Variants in ENGASE observed in about 807,000 individuals in gnomAD.
ENGASE encodes the protein endo-beta-N-acetylglucosaminidase, also known as cytosolic endo-beta-N-acetylglucosaminidase.
Under a neutral mutation model 78.5 loss-of-function variants are expected in ENGASE, and 69 were observed. That is an observed-to-expected ratio of 0.88 (90% CI 0.72 to 1.07). The LOEUF (loss-of-function observed/expected upper bound fraction) is 1.07, where lower values mean the gene tolerates loss of function less well. Among genes scored for constraint, ENGASE ranks in the 50% least tolerant of loss-of-function variants. The pLI is 0.00. For synonymous variants in ENGASE, 408 were observed against 408.9 expected (o/e 1.00, Z 0.03); for missense variants, 943 against 988.4 (o/e 0.95, Z 0.62).
Position 79,085,605 on chromosome 17 carries a change from C to T in ENGASE, c.1701-15C>T, listed in dbSNP as rs1386597130. ...GGGCTGAGCCCGGCCAGTGATCAGCCCTTTCGCCCCGTAGCTGCTACGAGG... is the reference window on the plus strand; with the variant it reads ...GGGCTGAGCCCGGCCAGTGATCAGCTCTTTCGCCCCGTAGCTGCTACGAGG... On this transcript the variant is annotated splice_polypyrimidine_tract_variant and intron_variant, in intron 12 of 13. Coordinates refer to ENST00000579016, the MANE Select transcript of ENGASE (RefSeq NM_001042573.3). The T allele has an allele frequency of 2.5e-6, 4 of 1,612,878 alleles. No homozygotes were observed. The highest frequency in any genetic ancestry group is 3.3e-5 in the Admixed American group (2 of 59,976).
In ENGASE at chr17:79,084,634, G is replaced by A. The variant is rs2073239086; in HGVS notation, c.1539G>A (p.Leu513=). 3.1e-6 allele frequency: 5 copies of A among 1,613,344 alleles called. No individual in the cohort carries two copies. Among genetic ancestry groups the A allele is most frequent in the Non-Finnish European group, 4.2e-6 (5 of 1,179,802 alleles). ...GPTDVTVALE[L]TTGDAGSCHI... The stretch of plus-strand genomic sequence containing the variant: ...CGGACGTCACAGTTGCTTTGGAGCT[G>A]ACCACAGGGGATGCCGGCAGCTGCC... The change falls in exon 11 of 14, where the codon CTG becomes CTA. Residue 513 remains leucine, a synonymous_variant. Coordinates refer to ENST00000579016, the MANE Select transcript of ENGASE (RefSeq NM_001042573.3).
intron 3 of ENGASE, among the ~76,000 whole-genome samples, 190 bp from the exon 4 acceptor site, chr17:79,079,299 G>A (rs1057107520): frequency 6.6e-5 from 10 of 152,158 alleles, no homozygotes; most frequent in African/African-American, 9.7e-5. Flanking sequence ...AAGTAGCTGG[G>A]ACTACAGGTG....
rs541129787 is a variant in ENGASE at position 79,087,427 on chromosome 17, CTCTT to C, written c.*1083_*1086del. 362 of 219,412 alleles carry C rather than the reference CTCTT, an allele frequency of 1.6e-3. 1 individual carries two copies. Among genetic ancestry groups the C allele is most frequent in the African/African-American group, 7.8e-3 (344 of 44,218 alleles). 13.6% of individuals were successfully genotyped at this position (219,412 alleles called of 1,614,324 possible). On this transcript the variant is annotated 3_prime_UTR_variant, in exon 14 of 14. Coordinates refer to ENST00000579016, the MANE Select transcript of ENGASE (RefSeq NM_001042573.3). ...CAGGCGCCTTCCTCTGTCCTTCCTG[CTCTT>C]TCTTCTCTGCCCAGGCCGCTGCAGC... is the stretch of plus-strand genomic sequence containing the variant.
rs1396730644 is a variant in ENGASE at position 79,075,825 on chromosome 17, AT to A, written c.146+740del. ...ATGAAGGCTGGCTGCTGGGAAAGAT[AT>A]TTTTGGACAGGAGGAATGTGGAGAT... On this transcript the variant is annotated intron_variant, in intron 1 of 13. Transcript: ENST00000579016. 5.1e-6 allele frequency: 5 copies of A among 985,342 alleles called. No individual in the cohort carries two copies. In the East Asian group the frequency reaches 5.7e-4, roughly 112 times the overall value. 61.0% of individuals were successfully genotyped at this position (985,342 alleles called of 1,614,324 possible).
intron 3 of ENGASE, among the ~76,000 whole-genome samples, chr17:79,078,466 A>T (rs555464783): frequency 6.6e-6 from 1 of 152,338 alleles, no homozygotes; most frequent in South Asian, 2.1e-4. Context: ...GAGGGAGCAC[A>T]GCAGGCAGGG....
chr17:79,080,048 C>T (rs2073086576), intron 4 of ENGASE, among the ~76,000 whole-genome samples, 159 bp from the exon 5 acceptor site: 1 of 152,274 alleles, frequency 6.6e-6, no homozygotes, highest in African/African-American at 2.4e-5. Flanking sequence ...CTGGTCTGCA[C>T]TGGCAGAGTG....
At chr17:79,077,543 G>A in intron 2 of ENGASE, 46 bp downstream of exon 2, 2 of 1,545,126 alleles carry the variant, frequency 1.3e-6, no homozygotes, top group Non-Finnish European at 1.7e-6. Context: ...TCACACCTGG[G>A]GCTTTGGGGC....
rs919074773 is a variant in ENGASE, at chr17:79,083,245, G to T, written c.1142+122G>T. 3 of 830,250 alleles carry T rather than the reference G, an allele frequency of 3.6e-6. No individual in the cohort carries two copies. In the African/African-American group the frequency reaches 5.1e-5, roughly 14 times the overall value. The allele number at this position is 830,250 out of a possible 1,614,324, so 51.4% of individuals were successfully genotyped here. On this transcript the variant is annotated intron_variant, in intron 8 of 13. Coordinates refer to ENST00000579016, the MANE Select transcript of ENGASE (RefSeq NM_001042573.3). This position sits in a 1 kb window ranked among gnomAD's most constrained non-coding sequence, Gnocchi z 4.9. Reference sequence around the variant, plus strand: ...TCCTATGGGGGGGTGGTTAAGGGAGGATGACAGGGGAGGAAGCCAGCACCC... The same window carrying T: ...TCCTATGGGGGGGTGGTTAAGGGAGTATGACAGGGGAGGAAGCCAGCACCC...
chr17:79,075,647 G>T, intron 1 of ENGASE: 1 of 976,558 alleles, frequency 1.0e-6, no homozygotes, highest in Non-Finnish European at 1.2e-6. Flanking sequence ...CTTCCTTTGG[G>T]GGGCACTTGC....
intron 1 of ENGASE, 83 bp downstream of exon 1, chr17:79,075,173 C>T: frequency 2.5e-6 from 3 of 1,182,148 alleles, no homozygotes; most frequent in South Asian, 4.2e-5. Flanking sequence ...CCGGCACGGG[C>T]GCGCCGAGGG....
intron 10 of ENGASE, 198 bp from the exon 11 acceptor site, chr17:79,084,340 T>C: frequency 1.9e-6 from 1 of 523,062 alleles, no homozygotes; most frequent in Non-Finnish European, 3.4e-6. Flanking sequence ...ATTTCAGAAC[T>C]GAGATGTTTC....
intron 1 of ENGASE, among the ~76,000 whole-genome samples, chr17:79,076,278 T>C (rs935957851): frequency 2.6e-5 from 4 of 152,190 alleles, no homozygotes; most frequent in African/African-American, 9.7e-5. Flanking sequence ...ATAATAATGA[T>C]TTTTTAGGCC....
rs2073191952 is a variant in ENGASE, at chr17:79,083,090, T to A, written c.1109T>A (p.Leu370Gln). 6.2e-7 allele frequency: 1 copy of A among 1,613,978 alleles called. No individual in the cohort carries two copies. Among genetic ancestry groups the A allele is most frequent in the African/African-American group, 1.3e-5 (1 of 75,046 alleles). ...LFAPGWVYEC[L>Q]EKKDFFQNQD... ...GCCCCCGGCTGGGTGTATGAGTGTC[T>A]GGAGAAGAAGGATTTCTTCCAGAAC... Residue 370 changes from leucine to glutamine, a missense_variant, in exon 8 of 14, where the codon CTG (leucine) becomes CAG (glutamine). Coordinates refer to ENST00000579016, the MANE Select transcript of ENGASE (RefSeq NM_001042573.3). The surrounding 1 kb of genome is among the most constrained non-coding windows in gnomAD (Gnocchi z 4.9).
In ENGASE at chr17:79,083,861, C is replaced by G; in HGVS notation, c.1352C>G (p.Thr451Arg). The G allele has an allele frequency of 3.1e-6, 5 of 1,612,696 alleles. No homozygotes were observed. The highest frequency in any genetic ancestry group is 1.7e-4 in the Middle Eastern group (1 of 5,882). Reference sequence around the variant, plus strand: ...GGGGATGGCCGGGGCTGGGTGAGGACGCACTGCTGCCTGGAGGATGCCTGG... The same window carrying G: ...GGGGATGGCCGGGGCTGGGTGAGGAGGCACTGCTGCCTGGAGGATGCCTGG... ...LGGDGRGWVR[T>R]HCCLEDAWHG... is the part of the protein sequence containing the mutation. The change falls in exon 10 of 14, where the codon ACG becomes AGG. Residue 451 changes from threonine to arginine, a missense_variant. By Grantham distance (71) the Thr-to-Arg change is moderately conservative. Transcript: ENST00000579016. The surrounding 1 kb of genome is among the most constrained non-coding windows in gnomAD (Gnocchi z 4.9).
In ENGASE at chr17:79,086,970, G is replaced by A. The variant is rs745327910; in HGVS notation, c.*621G>A. On this transcript the variant is annotated 3_prime_UTR_variant, in exon 14 of 14. Transcript: ENST00000579016. ...CGTGCCTCCACGTGGGCCAGCCCCA[G>A]CTGCTCCGTGTTTCCTGGCGTTGGC... 5 of 501,236 alleles carry A rather than the reference G, an allele frequency of 1.0e-5. No homozygotes were observed. The highest frequency in any genetic ancestry group is 1.6e-5 in the Non-Finnish European group (4 of 251,746). The allele number at this position is 501,236 out of a possible 1,614,324, so 31.0% of individuals were successfully genotyped here.
Position 79,088,147 on chromosome 17 carries a change from C to CGGGGACTGTCCTGGGT in ENGASE, c.*1799_*1800insGGGACTGTCCTGGGTG, listed in dbSNP as rs2073385597. On this transcript the variant is annotated 3_prime_UTR_variant, in exon 14 of 14. Coordinates refer to ENST00000579016, the MANE Select transcript of ENGASE (RefSeq NM_001042573.3). ...ACGGCAGGTGAACACAAGCGGCTGC[C>CGGGGACTGTCCTGGGT]GCATGTAGCCACTCACTCGACTTTT... 1.3e-5 allele frequency: 2 copies of CGGGGACTGTCCTGGGT among 152,168 alleles called. No homozygotes were observed. The highest frequency in any genetic ancestry group is 6.5e-5 in the Admixed American group (1 of 15,282). The allele number at this position is 152,168 out of a possible 1,614,324, so 9.4% of individuals were successfully genotyped here.
intron 11 of ENGASE, 31 bp downstream of exon 11, chr17:79,084,717 C>T: frequency 6.2e-7 from 1 of 1,608,082 alleles, no homozygotes; most frequent in Non-Finnish European, 8.5e-7. Flanking sequence ...CCTGCCTCTG[C>T]CCAGGGCGGA....
intron 13 of ENGASE, 62 bp from the exon 14 acceptor site, chr17:79,085,871 C>T (rs957388614): frequency 1.6e-5 from 25 of 1,575,476 alleles, no homozygotes; most frequent in East Asian, 2.2e-5. Flanking sequence ...GAAATGTGTG[C>T]GTGGGGGCAC....
intron 7 of ENGASE, chr17:79,082,318 C>T (rs971220007): frequency 2.9e-6 from 4 of 1,380,592 alleles, no homozygotes; most frequent in East Asian, 3.1e-5. Flanking sequence ...AGAGGCGCGT[C>T]GTTCCCCCGC....
Sources: allele counts gnomAD v4.1 joint callset (sites outside exome capture counted in the v4.1 genomes callset), GRCh38; gene constraint gnomAD v4.1.1; non-coding constraint Gnocchi (gnomAD v3.1); transcripts MANE v1.5; gene names NCBI Gene and HGNC (gene_info 2026-07-23, HGNC 2026-07-21).